Variants in DNAJB4 observed in about 807,000 individuals in gnomAD.
The protein encoded by DNAJB4 is dnaJ homolog subfamily B member 4.
In DNAJB4, 10 loss-of-function variants were observed where a neutral mutation model predicts 26.6. That is an observed-to-expected ratio of 0.38 (90% confidence interval 0.23 to 0.64). The LOEUF (loss-of-function observed/expected upper bound fraction) is 0.64. Among genes scored for constraint, DNAJB4 ranks in the 30% least tolerant of loss-of-function variants. DNAJB4 has a pLI of 0.58. For missense variants in DNAJB4, 328 were observed against 408.2 expected, an observed-to-expected ratio of 0.80 and a Z score of 1.69; for synonymous variants, 136 against 134.8, an observed-to-expected ratio of 1.01 and a Z score of -0.06.
intron 1 of DNAJB4, among the ~76,000 whole-genome samples, chr1:77,994,301 G>A (rs1051580107): frequency 4.0e-5 from 6 of 151,524 alleles, no homozygotes; most frequent in African/African-American, 1.2e-4. Flanking sequence ...GGGAGGCTGA[G>A]TTGGGAGGAC....
chr1:78,005,335 G>A lies in DNAJB4; in HGVS notation c.211+14G>A, dbSNP rs1315949722. On this transcript the variant is annotated intron_variant, in intron 1 of 2. Transcript: ENST00000370763. Reference sequence around the variant, plus strand: ...TTGGGGAGGAAGGTAAGTATTCTCTGTATATCTTTCTGTCTCTTCAGCTCT... The same window carrying A: ...TTGGGGAGGAAGGTAAGTATTCTCTATATATCTTTCTGTCTCTTCAGCTCT... 6.3e-7 allele frequency: 1 copy of A among 1,591,084 alleles called. No homozygotes were observed. Among genetic ancestry groups the A allele is most frequent in the South Asian group, 1.1e-5 (1 of 87,226 alleles).
At chr1:77,985,516 A>G (rs1035727995) in intron 1 of DNAJB4, among the ~76,000 whole-genome samples, 1 of 152,198 alleles carries the variant, frequency 6.6e-6, no homozygotes, top group African/African-American at 2.4e-5. Context: ...CAGGTTATCT[A>G]ATTGTAGCAA....
chr1:78,017,886 ATTTG>A lies in DNAJB4; in HGVS notation c.*1643_*1646del, dbSNP rs1402667004. ...TGGCACGTCATATGGATATACCACA[ATTTG>A]TTTATCTTTTCATTAATTATGGGCA... On this transcript the variant is annotated 3_prime_UTR_variant, in exon 3 of 3. Coordinates refer to ENST00000370763, the MANE Select transcript of DNAJB4 (RefSeq NM_007034.5). 1.3e-5 allele frequency: 2 copies of A among 151,878 alleles called. No individual in the cohort carries two copies. The highest frequency in any genetic ancestry group is 2.9e-5 in the Non-Finnish European group (2 of 67,944). The allele number at this position is 151,878 out of a possible 1,614,324, so 9.4% of individuals were successfully genotyped here. A position where few individuals can be genotyped will look rare whatever the true frequency, so the allele number is the denominator to read the frequency against.
At chr1:77,979,360 G>A (rs1659394623), upstream of DNAJB4, 1 of 248,958 alleles carries the variant, frequency 4.0e-6, no homozygotes. Flanking sequence ...GACTGTGTTT[G>A]GGTGGTGGGA....
At chr1:77,985,783 TTAATC>T (rs1449423004) in intron 1 of DNAJB4, among the ~76,000 whole-genome samples, 1 of 152,234 alleles carries the variant, frequency 6.6e-6, no homozygotes, top group East Asian at 1.9e-4. Flanking sequence ...TAGGTCCTAA[TTAATC>T]TATTCATTTA....
Position 78,005,335 on chromosome 1 carries a change from G to C in DNAJB4, c.211+14G>C. On this transcript the variant is annotated intron_variant, in intron 1 of 2. Coordinates refer to ENST00000370763, the MANE Select transcript of DNAJB4 (RefSeq NM_007034.5). ...TTGGGGAGGAAGGTAAGTATTCTCT[G>C]TATATCTTTCTGTCTCTTCAGCTCT... 2 of 1,591,086 alleles carry C rather than the reference G, an allele frequency of 1.3e-6. No individual in the cohort carries two copies. Among genetic ancestry groups the C allele is most frequent in the Non-Finnish European group, 1.7e-6 (2 of 1,169,914 alleles).
intron 1 of DNAJB4, among the ~76,000 whole-genome samples, chr1:77,984,457 TTTC>T (rs201976553): frequency 9.8e-5 from 15 of 152,308 alleles, no homozygotes; most frequent in Non-Finnish European, 1.8e-4. Flanking sequence ...TCTTTCTTTC[TTTC>T]TTTTTTTTTC....
intron 1 of DNAJB4, among the ~76,000 whole-genome samples, chr1:77,989,832 G>A (rs1057175583): frequency 7.9e-5 from 12 of 152,220 alleles, no homozygotes; most frequent in African/African-American, 2.2e-4. Context: ...GTATTCTGCC[G>A]TTTTCACTGT....
At position 78,016,210 on chromosome 1, in the gene DNAJB4, C is replaced by T. The variant is rs1338292773; in HGVS notation, c.977C>T (p.Ser326Phe). Residue 326 changes from serine (S) to phenylalanine (F), a missense_variant, in exon 3 of 3, where the codon TCC becomes TTC. By Grantham distance (155) the Ser-to-Phe change is radical. Transcript: ENST00000370763. ...VSFPDTISSS[S>F]KEVLRKHLPA... ...TTCCCAGATACTATATCTTCTTCAT[C>T]CAAAGAAGTACTTAGGAAACATCTT... 1 of 1,613,994 alleles carries T rather than the reference C, an allele frequency of 6.2e-7. No homozygotes were observed. The highest frequency in any genetic ancestry group is 1.1e-5 in the South Asian group (1 of 91,076).
At position 78,016,831 on chromosome 1, in the gene DNAJB4, ATCTT is replaced by A. The variant is rs1660653879; in HGVS notation, c.*589_*592del. On this transcript the variant is annotated 3_prime_UTR_variant, in exon 3 of 3. Transcript: ENST00000370763. ...CATCGTTGTGATGTTCTTAAGGCAG[ATCTT>A]TCTTCATAAAAAGGAAAGTAATGGC... is the stretch of plus-strand genomic sequence containing the variant. 1 of 152,132 alleles carries A rather than the reference ATCTT, an allele frequency of 6.6e-6. No individual in the cohort carries two copies. The highest frequency in any genetic ancestry group is 1.5e-5 in the Non-Finnish European group (1 of 67,966). 9.4% of individuals were successfully genotyped at this position (152,132 alleles called of 1,614,324 possible).
At chr1:78,004,332 T>C (rs1388892363), upstream of DNAJB4, 1 of 152,210 alleles carries the variant, frequency 6.6e-6, no homozygotes, top group African/African-American at 2.4e-5. Context: ...TTAGCTAAAA[T>C]CATGTTTAAG....
rs1660683171 is a variant in DNAJB4, at chr1:78,017,850, TA to T, written c.*1604del. ...TATGTTGTATCACGTATCAGTACTT[TA>T]TTTTTTGTGTGGCACGTCATATGGA... On this transcript the variant is annotated 3_prime_UTR_variant, in exon 3 of 3. Coordinates refer to ENST00000370763, the MANE Select transcript of DNAJB4 (RefSeq NM_007034.5). 1 of 152,078 alleles carries T rather than the reference TA, an allele frequency of 6.6e-6. No homozygotes were observed. The allele number at this position is 152,078 out of a possible 1,614,324, so 9.4% of individuals were successfully genotyped here.
chr1:78,015,280 A>G (rs1660604005), intron 2 of DNAJB4, among the ~76,000 whole-genome samples: 1 of 152,192 alleles, frequency 6.6e-6, no homozygotes, highest in Non-Finnish European at 1.5e-5. Flanking sequence ...AATACTTTCC[A>G]GAGAAATAGT....
At chr1:77,992,180 G>C (rs1457870572) in intron 1 of DNAJB4, among the ~76,000 whole-genome samples, 1 of 151,866 alleles carries the variant, frequency 6.6e-6, no homozygotes, top group African/African-American at 2.4e-5. Flanking sequence ...TTGGGAGGCC[G>C]AGGCGGGCGG....
At chr1:77,979,232 T>A, upstream of DNAJB4, 1 of 530,316 alleles carries the variant, frequency 1.9e-6, no homozygotes, top group Non-Finnish European at 3.4e-6. Flanking sequence ...TCGCGAGGAT[T>A]AAGTTTAAGA....
At chr1:78,000,285 T>C (rs775935278), upstream of DNAJB4, among the ~76,000 whole-genome samples, 1 of 152,224 alleles carries the variant, frequency 6.6e-6, no homozygotes, top group Non-Finnish European at 1.5e-5. Flanking sequence ...CCTCACTACG[T>C]GCCAATCACA....
In DNAJB4 at chr1:77,996,832, C is replaced by G. The variant is rs149162769; in HGVS notation, c.-31-8248C>G. Among the ~76,000 whole-genome samples, 493 of 152,252 alleles carry G rather than the reference C, an allele frequency of 3.2e-3. 2 individuals are homozygous for G. The highest frequency in any genetic ancestry group is 5.6e-3 in the Non-Finnish European group (378 of 68,020). The stretch of plus-strand genomic sequence containing the variant: ...GTTAGTTTGCCATCTTATGTTGGTG[C>G]TCTTGGAGGCTTACAAATTATTATT... On this transcript the variant is annotated intron_variant, in intron 1 of 2. Coordinates refer to the DNAJB4 transcript ENST00000426517.
At chr1:77,990,505 T>G (rs924888725) in intron 1 of DNAJB4, among the ~76,000 whole-genome samples, 5 of 152,224 alleles carry the variant, frequency 3.3e-5, no homozygotes, top group African/African-American at 1.2e-4. Flanking sequence ...ATCTTACATT[T>G]TAATGAGGTA....
In DNAJB4 at chr1:78,005,374, T is replaced by TC. The variant is rs1409348013; in HGVS notation, c.211+53_211+54insC. ...CTCTTCAGCTCTGTCTCTTTTTTTT[T>TC]TTTCTCTCTCTCTGCCAGCCTTTTT... On this transcript the variant is annotated intron_variant, in intron 1 of 2. Transcript: ENST00000370763. 736 of 1,370,736 alleles carry TC rather than the reference T, an allele frequency of 5.4e-4. 4 individuals are homozygous for TC. In the African/African-American group the frequency reaches 0.016, roughly 29 times the overall value. The allele number at this position is 1,370,736 out of a possible 1,614,324, so 84.9% of individuals were successfully genotyped here.
Sources: allele counts gnomAD v4.1 joint callset (sites outside exome capture counted in the v4.1 genomes callset), GRCh38; gene constraint gnomAD v4.1.1; transcripts MANE v1.5; gene names NCBI Gene and HGNC (gene_info 2026-07-23, HGNC 2026-07-21).